C17orf113: variants seen among roughly 807,000 people sequenced by gnomAD.
C17orf113 encodes the protein uncharacterized protein C17orf113.
Under a neutral mutation model 11.6 loss-of-function variants are expected in C17orf113, and 5 were observed. That is an observed-to-expected ratio of 0.43 (90% CI 0.23 to 0.91). The LOEUF (loss-of-function observed/expected upper bound fraction) is 0.91, where lower values mean the gene tolerates loss of function less well. Ranked by LOEUF, C17orf113 falls within the 40% of genes least tolerant of loss-of-function variation. C17orf113 has a pLI of 0.26. For synonymous variants in C17orf113, 327 were observed against 390.6 expected, an observed-to-expected ratio of 0.84 and a Z score of 1.92; for missense variants, 714 against 841.3, an observed-to-expected ratio of 0.85 and a Z score of 1.87.
In C17orf113 at chr17:42,040,635, C is replaced by A; in HGVS notation, c.1098G>T (p.Glu366Asp). The change falls in exon 3 of 3, where the codon GAG becomes GAT. Residue 366 changes from glutamate to aspartate, a missense_variant. This residue lies in a region of C17orf113 where 516 missense variants were observed against 626.6 expected (regional missense o/e 0.82). Transcript: ENST00000587304. The part of the protein sequence containing the change: ...SLLPVVEAVA[E>D]AWPGLVPTLE... ...GGGTGGGCACCAGGCCAGGCCAGGC[C>A]TCGGCCACTGCTTCCACTACAGGCA... is the stretch of plus-strand genomic sequence containing the variant. 8.1e-7 allele frequency: 1 copy of A among 1,232,316 alleles called. No individual in the cohort carries two copies. The highest frequency in any genetic ancestry group is 1.0e-6 in the Non-Finnish European group (1 of 988,082). 76.3% of individuals were successfully genotyped at this position (1,232,316 alleles called of 1,614,324 possible). A position where few individuals can be genotyped will look rare whatever the true frequency, so the allele number is the denominator to read the frequency against.
In C17orf113 at chr17:42,039,876, G is replaced by A. The variant is rs930219351; in HGVS notation, c.1857C>T (p.Arg619=). 1.5e-5 allele frequency: 19 copies of A among 1,231,352 alleles called. No individual in the cohort carries two copies. In the African/African-American group the frequency reaches 2.3e-4, roughly 15 times the overall value. 76.3% of individuals were successfully genotyped at this position (1,231,352 alleles called of 1,614,324 possible). ...GCCCCCACCACCGCAGCTCCCGGCT[G>A]CGGCCGACCTTGTCCAGCAGGCCAG... ...AGAGLLDKVG[R]SRELRWWGQS... Residue 619 remains arginine (R), a synonymous_variant, in exon 3 of 3, where the codon CGC becomes CGT. Transcript: ENST00000587304.
At position 42,040,765 on chromosome 17, in the gene C17orf113, A is replaced by T. The variant is rs781798719; in HGVS notation, c.968T>A (p.Leu323His). Residue 323 changes from leucine to histidine, a missense_variant, in exon 3 of 3, where the codon CTC (leucine) becomes CAC (histidine). This residue lies in a region of C17orf113 where 516 missense variants were observed against 626.6 expected (regional missense o/e 0.82). Coordinates refer to ENST00000587304, the MANE Select transcript of C17orf113 (RefSeq NM_001358661.2). ...YESILDALFRLHGGPSSHLVP... is the reference protein window; with the variant it reads ...YESILDALFRHHGGPSSHLVP... ...CAAGTGGGAACTAGGGCCACCATGG[A>T]GGCGGAATAGGGCATCCAATATGCT... 93 of 1,232,196 alleles carry T rather than the reference A, an allele frequency of 7.5e-5. No individual in the cohort carries two copies. Among genetic ancestry groups the T allele is most frequent in the Non-Finnish European group, 8.6e-5 (85 of 988,090 alleles). The allele number at this position is 1,232,196 out of a possible 1,614,324, so 76.3% of individuals were successfully genotyped here.
chr17:42,040,618 A>G lies in C17orf113; in HGVS notation c.1115T>C (p.Val372Ala). 1 of 1,232,318 alleles carries G rather than the reference A, an allele frequency of 8.1e-7. No individual in the cohort carries two copies. Among genetic ancestry groups the G allele is most frequent in the Non-Finnish European group, 1.0e-6 (1 of 988,086 alleles). 76.3% of individuals were successfully genotyped at this position (1,232,318 alleles called of 1,614,324 possible). ...AAGGGCTGCAGCCTCCAGGGTGGGC[A>G]CCAGGCCAGGCCAGGCCTCGGCCAC... ...EAVAEAWPGL[V>A]PTLEAAALAS... The change falls in exon 3 of 3, where the codon GTG becomes GCG. Residue 372 changes from valine (V) to alanine (A), a missense_variant. Transcript: ENST00000587304.
Position 42,048,533 on chromosome 17 carries a change from C to T in C17orf113, c.-188+2024G>A, listed in dbSNP as rs143076509. 5.6e-3 allele frequency among the ~76,000 whole-genome samples: 848 copies of T among 152,176 alleles called. 6 individuals are homozygous for T. The highest frequency in any genetic ancestry group is 0.014 in the African/African-American group (593 of 41,514). On this transcript the variant is annotated intron_variant, in intron 1 of 2. Transcript: ENST00000587304. Reference sequence around the variant, plus strand: ...ACTCCAGCCACCCTGGGTGACACAGCGAGACCCTGTCTCTAAAAACAAAAA... The same window carrying T: ...ACTCCAGCCACCCTGGGTGACACAGTGAGACCCTGTCTCTAAAAACAAAAA...
intron 1 of C17orf113, among the ~76,000 whole-genome samples, chr17:42,045,196 C>T (rs904663578): frequency 3.3e-5 from 5 of 152,126 alleles, no homozygotes; most frequent in Non-Finnish European, 7.4e-5. Flanking sequence ...GGATTACAGG[C>T]GTGAGCCACC....
In C17orf113 at chr17:42,039,362, A is replaced by T. The variant is rs1268937316; in HGVS notation, c.*343T>A. The T allele has an allele frequency of 4.1e-6, 1 of 241,044 alleles. No individual in the cohort carries two copies. Among genetic ancestry groups the T allele is most frequent in the Non-Finnish European group, 7.9e-6 (1 of 126,452 alleles). The allele number at this position is 241,044 out of a possible 1,614,324, so 14.9% of individuals were successfully genotyped here. A position where few individuals can be genotyped will look rare whatever the true frequency, so the allele number is the denominator to read the frequency against. On this transcript the variant is annotated 3_prime_UTR_variant, in exon 3 of 3. Transcript: ENST00000587304. The stretch of plus-strand genomic sequence containing the variant: ...AGACCTAGTCTTCCTTCCCCAAGCC[A>T]AAAACTCCCATCTTTGGGGGGACCC...
At chr17:42,048,261 G>GA (rs1374618498) in intron 1 of C17orf113, among the ~76,000 whole-genome samples, 1 of 151,932 alleles carries the variant, frequency 6.6e-6, no homozygotes, top group African/African-American at 2.4e-5. Context: ...TTCTTGGCTG[G>GA]ATGTGGTGGC....
chr17:42,042,640 G>A (rs1555656245), intron 2 of C17orf113, among the ~76,000 whole-genome samples, 194 bp downstream of exon 2: 5 of 152,184 alleles, frequency 3.3e-5, no homozygotes. Context: ...GCCTGGTCTG[G>A]CCTCTTCACT....
rs2053252806 is a variant in C17orf113 at position 42,050,241 on chromosome 17, C to T, written c.-188+316G>A. ...TTCATGTGGCCCCAGAATGTGGGTC[C>T]CGAGCCTCCTCCCCGGGCTCCTGGG... On this transcript the variant is annotated intron_variant, in intron 1 of 2. Transcript: ENST00000587304. The surrounding 1 kb of genome is among the most constrained non-coding windows in gnomAD (Gnocchi z 5.6). Among the ~76,000 whole-genome samples the T allele has an allele frequency of 6.6e-6, 1 of 152,198 alleles. No individual in the cohort carries two copies. Among genetic ancestry groups the T allele is most frequent in the Admixed American group, 6.5e-5 (1 of 15,292 alleles).
chr17:42,040,736 G>A lies in C17orf113; in HGVS notation c.997C>T (p.Pro333Ser). The A allele has an allele frequency of 8.1e-7, 1 of 1,232,376 alleles. No homozygotes were observed. Among genetic ancestry groups the A allele is most frequent in the Non-Finnish European group, 1.0e-6 (1 of 988,118 alleles). 76.3% of individuals were successfully genotyped at this position (1,232,376 alleles called of 1,614,324 possible). The change falls in exon 3 of 3, where the codon CCT (proline) becomes TCT (serine). Residue 333 changes from proline to serine, a missense_variant. By Grantham distance (74) the Pro-to-Ser change is moderately conservative. Around this residue, in one of 3 missense-constraint regions of C17orf113, gnomAD observed 516 missense variants for 626.6 expected, o/e 0.82. Transcript: ENST00000587304. ...AGGTCCAGTGCTGCCCGGAGCTCAG[G>A]GACCAAGTGGGAACTAGGGCCACCA... Reference protein sequence around the residue: ...LHGGPSSHLVPELRAALDLAA... With the variant: ...LHGGPSSHLVSELRAALDLAA...
chr17:42,046,024 C>A (rs1208024377), intron 1 of C17orf113, among the ~76,000 whole-genome samples: 1 of 152,220 alleles, frequency 6.6e-6, no homozygotes, highest in Non-Finnish European at 1.5e-5. Flanking sequence ...TCTCCCTCCT[C>A]TTTCCTTACT....
At position 42,039,992 on chromosome 17, in the gene C17orf113, T is replaced by C; in HGVS notation, c.1741A>G (p.Thr581Ala). ...TCCGAGTGCGCGCACGCCAGCTGGGTGCACAGGGCCCGCGGGCCGAGCCGC... is the reference window on the plus strand; with the variant it reads ...TCCGAGTGCGCGCACGCCAGCTGGGCGCACAGGGCCCGCGGGCCGAGCCGC... ...LGRLGPRALC[T>A]QLACAHSELH... The change falls in exon 3 of 3, where the codon ACC becomes GCC. Residue 581 changes from threonine to alanine, a missense_variant. Physicochemically the swap from Thr to Ala is moderately conservative, Grantham distance 58 (BLOSUM62 0). Transcript: ENST00000587304. The C allele has an allele frequency of 1.6e-6, 2 of 1,230,882 alleles. No homozygotes were observed. The highest frequency in any genetic ancestry group is 3.1e-5 in the African/African-American group (2 of 64,428). The allele number at this position is 1,230,882 out of a possible 1,614,324, so 76.2% of individuals were successfully genotyped here. A position where few individuals can be genotyped will look rare whatever the true frequency, so the allele number is the denominator to read the frequency against.
intron 1 of C17orf113, among the ~76,000 whole-genome samples, chr17:42,049,402 G>C (rs1190530110): frequency 3.9e-5 from 6 of 152,178 alleles, no homozygotes; most frequent in African/African-American, 1.4e-4. Context: ...GGGCAGGAAA[G>C]GTAACTAACT....
Position 42,040,784 on chromosome 17 carries a change from A to G in C17orf113, c.949T>C (p.Leu317=), listed in dbSNP as rs1417122122. 1.3e-5 allele frequency: 16 copies of G among 1,232,178 alleles called. No homozygotes were observed. The highest frequency in any genetic ancestry group is 9.3e-5 in the African/African-American group (6 of 64,424). 76.3% of individuals were successfully genotyped at this position (1,232,178 alleles called of 1,614,324 possible). Residue 317 remains leucine, a synonymous_variant, in exon 3 of 3, where the codon TTG becomes CTG. Coordinates refer to ENST00000587304, the MANE Select transcript of C17orf113 (RefSeq NM_001358661.2). ...PAYLGQYESI[L]DALFRLHGGP... ...CCATGGAGGCGGAATAGGGCATCCA[A>G]TATGCTCTCATATTGACCCAAGTAG... is the stretch of plus-strand genomic sequence containing the variant.
chr17:42,043,265 A>G lies in C17orf113; in HGVS notation c.112T>C (p.Tyr38His). 1 of 1,232,240 alleles carries G rather than the reference A, an allele frequency of 8.1e-7. No individual in the cohort carries two copies. 76.3% of individuals were successfully genotyped at this position (1,232,240 alleles called of 1,614,324 possible). A position where few individuals can be genotyped will look rare whatever the true frequency, so the allele number is the denominator to read the frequency against. The change falls in exon 2 of 3, where the codon TAT becomes CAT. Residue 38 changes from tyrosine (Y) to histidine (H), a missense_variant. Tyr to His is a moderately conservative substitution (Grantham distance 83, BLOSUM62 2). Coordinates refer to ENST00000587304, the MANE Select transcript of C17orf113 (RefSeq NM_001358661.2). ...AGGCAGAACATCAGCTTCCGCTCAT[A>G]GTCAAAGTCCAGCCAGGTAAACTCC... The part of the protein sequence containing the change: ...KEEFTWLDFD[Y>H]ERKLMFCLEC...
Position 42,039,090 on chromosome 17 carries a change from A to C in C17orf113, c.*615T>G, listed in dbSNP as rs1364499136. On this transcript the variant is annotated 3_prime_UTR_variant, in exon 3 of 3. Transcript: ENST00000587304. ...ACATGGTGAAACCCTGTCTCTACTA[A>C]AAATACATAAGTTAGCCAGGCATGG... The C allele has an allele frequency of 6.6e-6, 1 of 152,092 alleles. No individual in the cohort carries two copies. Among genetic ancestry groups the C allele is most frequent in the East Asian group, 1.9e-4 (1 of 5,190 alleles). The allele number at this position is 152,092 out of a possible 1,614,324, so 9.4% of individuals were successfully genotyped here.
In C17orf113 at chr17:42,040,271, C is replaced by A; in HGVS notation, c.1462G>T (p.Glu488Ter). 8.1e-7 allele frequency: 1 copy of A among 1,231,644 alleles called. No individual in the cohort carries two copies. The highest frequency in any genetic ancestry group is 1.0e-6 in the Non-Finnish European group (1 of 987,872). 76.3% of individuals were successfully genotyped at this position (1,231,644 alleles called of 1,614,324 possible). ...GYSEAAVRGL[E>*]WLRGSFLDSM... ...TCCAGGAAGGATCCCCGGAGCCACTCCAAGCCCCGGACCGCAGCCTCGGAG... is the reference window on the plus strand; with the variant it reads ...TCCAGGAAGGATCCCCGGAGCCACTACAAGCCCCGGACCGCAGCCTCGGAG... Residue 488 changes from glutamate to a stop codon, truncating the protein, a stop_gained, in exon 3 of 3, where the codon GAG becomes TAG. Coordinates refer to ENST00000587304, the MANE Select transcript of C17orf113 (RefSeq NM_001358661.2). LOFTEE classifies it low-confidence loss of function (END_TRUNC).
rs187022487 is a variant in C17orf113 at position 42,050,023 on chromosome 17, A to C, written c.-188+534T>G. ...TTCCATTGACATTCTCCCCACCTCA[A>C]CCTCAAGGAAACAGGCTGAGTGGAG... On this transcript the variant is annotated intron_variant, in intron 1 of 2. Coordinates refer to ENST00000587304, the MANE Select transcript of C17orf113 (RefSeq NM_001358661.2). This position sits in a 1 kb window ranked among gnomAD's most constrained non-coding sequence, Gnocchi z 5.6. Among the ~76,000 whole-genome samples the C allele has an allele frequency of 5.7e-3, 864 of 152,246 alleles. 3 individuals are homozygous for C. The highest frequency in any genetic ancestry group is 0.027 in the Middle Eastern group (8 of 294).
At position 42,041,015 on chromosome 17, in the gene C17orf113, C is replaced by T; in HGVS notation, c.718G>A (p.Val240Met). 3 of 1,232,376 alleles carry T rather than the reference C, an allele frequency of 2.4e-6. No homozygotes were observed. Among genetic ancestry groups the T allele is most frequent in the African/African-American group, 1.5e-5 (1 of 64,546 alleles). The allele number at this position is 1,232,376 out of a possible 1,614,324, so 76.3% of individuals were successfully genotyped here. ...GTGGCCTCGCCCTCCTGTAGCTCCACACTGCCCAGGAAGGTGGTGGCGGGC... is the reference window on the plus strand; with the variant it reads ...GTGGCCTCGCCCTCCTGTAGCTCCATACTGCCCAGGAAGGTGGTGGCGGGC... Reference protein sequence around the residue: ...GQPATTFLGSVELQEGEATAG... With the variant: ...GQPATTFLGSMELQEGEATAG... Residue 240 changes from valine (V) to methionine (M), a missense_variant, in exon 3 of 3, where the codon GTG becomes ATG. Physicochemically the swap from Val to Met is conservative, Grantham distance 21 (BLOSUM62 1). Coordinates refer to ENST00000587304, the MANE Select transcript of C17orf113 (RefSeq NM_001358661.2).
Sources: allele counts gnomAD v4.1 joint callset (sites outside exome capture counted in the v4.1 genomes callset), GRCh38; gene constraint gnomAD v4.1.1; regional missense constraint gnomAD v4.1.1; non-coding constraint Gnocchi (gnomAD v3.1); transcripts MANE v1.5; gene names NCBI Gene and HGNC (gene_info 2026-07-23, HGNC 2026-07-21).